Variants in AKT3 observed in about 807,000 individuals in gnomAD.
AKT3 encodes AKT serine/threonine kinase 3, also known as RAC-gamma serine/threonine-protein kinase.
A neutral mutation model predicts 65.3 loss-of-function variants in AKT3; 15 were observed. The ratio of observed to expected loss-of-function variants is 0.23; its 90% CI spans 0.15 to 0.35. AKT3 has a LOEUF of 0.35. Among genes scored for constraint, AKT3 ranks in the 10% least tolerant of loss-of-function variants. The pLI, the probability that AKT3 is intolerant of heterozygous loss-of-function variation, is 1.00. For missense variants in AKT3, 243 were observed against 576.5 expected (o/e 0.42, Z 5.92); for synonymous variants, 206 against 183.8 (o/e 1.12, Z -0.98).
chr1:243,537,681 A>AC (rs1672024858), intron 12 of AKT3, among the ~76,000 whole-genome samples: 1 of 152,100 alleles, frequency 6.6e-6, no homozygotes, highest in Non-Finnish European at 1.5e-5. Flanking sequence ...TCATTTCCTT[A>AC]CTTCAGCATC....
chr1:243,749,780 C>A (rs1365662843), intron 2 of AKT3, among the ~76,000 whole-genome samples: 1 of 152,172 alleles, frequency 6.6e-6, no homozygotes, highest in Non-Finnish European at 1.5e-5. Context: ...GAAGAAAAAT[C>A]TATGATTACT....
intron 3 of AKT3, among the ~76,000 whole-genome samples, chr1:243,671,874 C>T (rs2147943942): frequency 6.6e-6 from 1 of 152,318 alleles, no homozygotes; most frequent in East Asian, 1.9e-4. Context: ...CCAAGTCTAT[C>T]TCAATCCCAA....
At chr1:243,767,991 T>C (rs1689937171) in intron 2 of AKT3, among the ~76,000 whole-genome samples, 1 of 151,672 alleles carries the variant, frequency 6.6e-6, no homozygotes, top group Admixed American at 6.6e-5. Context: ...ATAAAATATA[T>C]AGAGAGGGGG....
At chr1:243,714,513 G>A (rs1180898030) in intron 2 of AKT3, among the ~76,000 whole-genome samples, 1 of 152,074 alleles carries the variant, frequency 6.6e-6, no homozygotes, top group Non-Finnish European at 1.5e-5. Context: ...AGATCACCTG[G>A]TTTAATTTTG....
intron 2 of AKT3, among the ~76,000 whole-genome samples, chr1:243,711,144 C>T (rs1448067065): frequency 3.3e-5 from 5 of 152,104 alleles, no homozygotes. Flanking sequence ...CAAAGTGAAA[C>T]CCCGTCTCTA....
chr1:243,593,222 A>G (rs1389339020), intron 8 of AKT3, among the ~76,000 whole-genome samples: 1 of 152,234 alleles, frequency 6.6e-6, no homozygotes, highest in Non-Finnish European at 1.5e-5. Context: ...TATTACATGA[A>G]AAGATGAGTA....
chr1:243,821,130 C>T (rs1229487235), intron 2 of AKT3, among the ~76,000 whole-genome samples: 2 of 152,066 alleles, frequency 1.3e-5, no homozygotes, highest in Admixed American at 6.6e-5. Flanking sequence ...GACCAATATA[C>T]AACATTAAGA....
intron 2 of AKT3, among the ~76,000 whole-genome samples, chr1:243,831,060 T>C (rs899965044): frequency 6.6e-6 from 1 of 152,210 alleles, no homozygotes; most frequent in Non-Finnish European, 1.5e-5. Context: ...TTTCCTACCT[T>C]GCCTCAGCTG....
At chr1:243,840,475 G>A (rs1320776861) in intron 2 of AKT3, among the ~76,000 whole-genome samples, 1 of 152,090 alleles carries the variant, frequency 6.6e-6, no homozygotes, top group Non-Finnish European at 1.5e-5. Flanking sequence ...TAACAAACCT[G>A]CACGTTCTGC....
chr1:243,494,045 G>T (rs977654131), intron 13 of AKT3, among the ~76,000 whole-genome samples: 1 of 152,058 alleles, frequency 6.6e-6, no homozygotes, highest in African/African-American at 2.4e-5. Context: ...TGGGGGCCTC[G>T]CCCAGCTGAC....
At chr1:243,764,251 GTTGTCAT>G (rs1689674234) in intron 2 of AKT3, among the ~76,000 whole-genome samples, 1 of 151,920 alleles carries the variant, frequency 6.6e-6, no homozygotes, top group Non-Finnish European at 1.5e-5. Context: ...CTTTTAATCT[GTTGTCAT>G]TTGTCATTAT....
At chr1:243,760,467 C>T (rs1689420761) in intron 2 of AKT3, among the ~76,000 whole-genome samples, 3 of 151,802 alleles carry the variant, frequency 2.0e-5, no homozygotes, top group Admixed American at 1.3e-4. Flanking sequence ...AATACTATGC[C>T]CAGCTAACAT....
intron 2 of AKT3, among the ~76,000 whole-genome samples, chr1:243,718,387 C>G (rs1457483881): frequency 2.0e-5 from 3 of 152,038 alleles, no homozygotes; most frequent in Non-Finnish European, 4.4e-5. Context: ...ATTATTAAAT[C>G]TTCACTTTAA....
intron 12 of AKT3, among the ~76,000 whole-genome samples, chr1:243,542,199 A>G (rs1672368912): frequency 6.6e-6 from 1 of 152,228 alleles, no homozygotes; most frequent in South Asian, 2.1e-4. Flanking sequence ...ATAGACATTA[A>G]TCTAGATAAA....
At chr1:243,760,716 T>C (rs1432043416) in intron 2 of AKT3, among the ~76,000 whole-genome samples, 2 of 152,186 alleles carry the variant, frequency 1.3e-5, no homozygotes, top group Non-Finnish European at 2.9e-5. Context: ...TGCCATGTTT[T>C]TCACATTTTT....
intron 11 of AKT3, among the ~76,000 whole-genome samples, chr1:243,552,150 C>T (rs954893005): frequency 2.0e-5 from 3 of 151,478 alleles, no homozygotes; most frequent in Admixed American, 6.6e-5. Context: ...ATTAGACAGG[C>T]GTGGTGGAGG....
chr1:243,792,821 C>T (rs1474734768), intron 2 of AKT3, among the ~76,000 whole-genome samples: 3 of 152,202 alleles, frequency 2.0e-5, no homozygotes, highest in Non-Finnish European at 4.4e-5. Flanking sequence ...TAAAGCCAAA[C>T]ATCAGCTATC....
chr1:243,760,272 C>G (rs1360957162), intron 2 of AKT3, among the ~76,000 whole-genome samples: 2 of 130,372 alleles, frequency 1.5e-5, no homozygotes, highest in East Asian at 2.4e-4. Flanking sequence ...GCATGTACCT[C>G]TATATCTGGC....
At chr1:243,703,479 G>A (rs957110344) in intron 2 of AKT3, among the ~76,000 whole-genome samples, 1 of 151,848 alleles carries the variant, frequency 6.6e-6, no homozygotes, top group Non-Finnish European at 1.5e-5. Context: ...AATAATCCTG[G>A]GCCAGGCGTG....
Sources: gnomAD v4.1 joint callset for allele counts (sites outside exome capture counted in the v4.1 genomes callset) on GRCh38, gnomAD v4.1.1 for gene constraint, MANE v1.5 for transcripts, NCBI Gene and HGNC (gene_info 2026-07-23, HGNC 2026-07-21) for gene names.